The following PRKDC variants were observed in gnomAD, a reference collection of about 807,000 sequenced individuals.
The protein encoded by PRKDC is DNA-dependent protein kinase catalytic subunit.
In PRKDC, 82 loss-of-function variants were observed where a neutral mutation model predicts 486.9. The ratio of observed to expected loss-of-function variants is 0.17; its 90% CI spans 0.14 to 0.20. The LOEUF (loss-of-function observed/expected upper bound fraction) is 0.20, where lower values mean the gene tolerates loss of function less well. Among genes scored for constraint, PRKDC ranks in the 10% least tolerant of loss-of-function variants. The pLI, the probability that PRKDC is intolerant of heterozygous loss-of-function variation, is 1.00. For synonymous variants in PRKDC, 1,895 were observed against 1,837.0 expected (o/e 1.03, Z -0.81); for missense variants, 4,504 against 5,038.2 (o/e 0.89, Z 3.21).
chr8:47,798,182 C>T (rs1473686555), intron 73 of PRKDC, 55 bp downstream of exon 73: 11 of 1,552,022 alleles, frequency 7.1e-6, no homozygotes, highest in East Asian at 4.5e-5. Flanking sequence ...TATAAATAAG[C>T]GTATCTTTAA....
intron 33 of PRKDC, among the ~76,000 whole-genome samples, 181 bp from the exon 34 acceptor site, chr8:47,888,831 G>A (rs536255982): frequency 6.6e-6 from 1 of 152,342 alleles, no homozygotes; most frequent in South Asian, 2.1e-4. Flanking sequence ...GTTTGCTTAA[G>A]TTTGGTACAG....
At chr8:47,816,061 A>C (rs1303606529) in intron 68 of PRKDC, among the ~76,000 whole-genome samples, 1 of 152,142 alleles carries the variant, frequency 6.6e-6, no homozygotes, top group Non-Finnish European at 1.5e-5. Context: ...TAAAAATACA[A>C]AATTTAGCCG....
chr8:47,934,978 T>G, intron 14 of PRKDC, 31 bp downstream of exon 14: 1 of 1,458,672 alleles, frequency 6.9e-7, no homozygotes, highest in Non-Finnish European at 9.3e-7. Flanking sequence ...GATAACAGAT[T>G]AATTTTCTAA....
chr8:47,862,520 T>G lies in PRKDC; in HGVS notation c.5772A>C (p.Thr1924=), dbSNP rs755883408. The G allele has an allele frequency of 2.5e-6, 4 of 1,611,020 alleles. No homozygotes were observed. The African/African-American group carries it at 4.0e-5, about 16-fold the overall frequency. ...GCTGATTCTCTCCTGCCATGTTCTC[T>G]GTAAATGCATCGTAGCACAATCTGC... ...TLIKLCYDAF[T]ENMAGENQLL... is the part of the protein sequence containing the mutation. Residue 1924 remains threonine, a synonymous_variant, in exon 43 of 86, where the codon ACA becomes ACC. Coordinates refer to ENST00000314191, the MANE Select transcript of PRKDC (RefSeq NM_006904.7).
At chr8:47,819,558 T>C in intron 66 of PRKDC, 48 bp from the exon 67 acceptor site, 1 of 1,032,452 alleles carries the variant, frequency 9.7e-7, no homozygotes, top group South Asian at 1.8e-5. Flanking sequence ...TGCCATGTTA[T>C]AAATCAATCA....
chr8:47,900,073 C>T (rs1338355146), intron 28 of PRKDC, among the ~76,000 whole-genome samples: 1 of 152,198 alleles, frequency 6.6e-6, no homozygotes. Flanking sequence ...GTTCTGTCAT[C>T]ACAGCATCAT....
intron 29 of PRKDC, 147 bp downstream of exon 29, chr8:47,898,323 G>A (rs1311327517): frequency 3.4e-6 from 2 of 594,984 alleles, no homozygotes. Context: ...AACGTTTTTG[G>A]AAAACGAACT....
chr8:47,842,983 G>A (rs547013713), intron 54 of PRKDC, among the ~76,000 whole-genome samples: 1 of 152,294 alleles, frequency 6.6e-6, no homozygotes, highest in African/African-American at 2.4e-5. Flanking sequence ...TGGGCAACAT[G>A]ATGAAACCCC....
At chr8:47,799,443 A>T in intron 71 of PRKDC, 53 bp from the exon 72 acceptor site, 2 of 1,422,124 alleles carry the variant, frequency 1.4e-6, no homozygotes, top group Non-Finnish European at 1.8e-6. Context: ...TTTCTCAAAG[A>T]ACTCTGCTTT....
intron 23 of PRKDC, among the ~76,000 whole-genome samples, chr8:47,914,793 GA>G (rs538297890): frequency 0.01 from 1,270 of 125,690 alleles, 3 homozygotes; most frequent in Non-Finnish European, 0.014. Context: ...AGAGCGAGGG[GA>G]AAAAAAAAAA....
intron 3 of PRKDC, 135 bp from the exon 4 acceptor site, chr8:47,956,083 C>A: frequency 1.4e-6 from 1 of 690,408 alleles, no homozygotes; most frequent in South Asian, 2.0e-5. Flanking sequence ...TAACATTAGG[C>A]CGGGCATAGT....
At chr8:47,922,659 C>CTCA (rs891291547) in intron 21 of PRKDC, among the ~76,000 whole-genome samples, 1 of 152,132 alleles carries the variant, frequency 6.6e-6, no homozygotes, top group African/African-American at 2.4e-5. Context: ...AACAGTGAAT[C>CTCA]TCAGACATTT....
chr8:47,853,841 T>C (rs1457446506), intron 51 of PRKDC, among the ~76,000 whole-genome samples: 1 of 152,326 alleles, frequency 6.6e-6, no homozygotes, highest in East Asian at 1.9e-4. Context: ...GACAAGAATT[T>C]TTTTGGTATA....
rs531373071 is a variant in PRKDC at position 47,904,082 on chromosome 8, A to C, written c.3042+787T>G. 1.2e-4 allele frequency among the ~76,000 whole-genome samples: 18 copies of C among 152,304 alleles called. No individual in the cohort carries two copies. In the South Asian group the frequency reaches 1.5e-3, roughly 12 times the overall value. The stretch of plus-strand genomic sequence containing the variant: ...TATAGTAAAATAAGCATCAAAAAAA[A>C]ACTACAATTTAGCTGGCCTCACTGC... On this transcript the variant is annotated intron_variant, in intron 26 of 85. Transcript: ENST00000314191.
chr8:47,879,834 C>CTTTTTTTTTTTTTTTTTTT (rs759336069), intron 38 of PRKDC, among the ~76,000 whole-genome samples, 176 bp from the exon 39 acceptor site: 1 of 99,202 alleles, frequency 1.0e-5, no homozygotes, highest in Non-Finnish European at 1.9e-5. Context: ...TATACCTCAG[C>CTTTTTTTTTTTTTTTTTTT]TTTTTTTTTT....
Position 47,930,601 on chromosome 8 carries a change from G to A in PRKDC, c.1892+71C>T. The A allele has an allele frequency of 1.4e-6, 2 of 1,415,276 alleles. 1 individual carries two copies. Among genetic ancestry groups the A allele is most frequent in the Non-Finnish European group, 1.9e-6 (2 of 1,039,452 alleles). 87.7% of individuals were successfully genotyped at this position (1,415,276 alleles called of 1,614,324 possible). Reference sequence around the variant, plus strand: ...ATTTCATTTCTTACATCTATATAAGGAATTTCCTATATTACAGCCAATAAC... The same window carrying A: ...ATTTCATTTCTTACATCTATATAAGAAATTTCCTATATTACAGCCAATAAC... On this transcript the variant is annotated intron_variant, in intron 17 of 85. Coordinates refer to ENST00000314191, the MANE Select transcript of PRKDC (RefSeq NM_006904.7).
chr8:47,852,937 C>T (rs1445143597), intron 51 of PRKDC, among the ~76,000 whole-genome samples, 153 bp from the exon 52 acceptor site: 3 of 152,196 alleles, frequency 2.0e-5, no homozygotes, highest in Non-Finnish European at 2.9e-5. Flanking sequence ...CACAAATGCA[C>T]ACATCAGCAT....
rs1484796103 is a variant in PRKDC, at chr8:47,933,007, A to G, written c.1776+13T>C. ...AAAATGATGAAAAATTACTACTGAT[A>G]AAAATTTCTAACCTCTTGTTCCCCA... On this transcript the variant is annotated intron_variant, in intron 16 of 85. Transcript: ENST00000314191. The G allele has an allele frequency of 1.3e-6, 2 of 1,567,530 alleles. No homozygotes were observed. The highest frequency in any genetic ancestry group is 2.0e-5 in the Admixed American group (1 of 49,822).
chr8:47,889,258 C>A, intron 32 of PRKDC, 36 bp from the exon 33 acceptor site: 1 of 1,529,108 alleles, frequency 6.5e-7, no homozygotes, highest in Admixed American at 1.9e-5. Context: ...ACTTCGTCAG[C>A]CAGCACTTCT....
Sources: gnomAD v4.1 joint callset for allele counts (sites outside exome capture counted in the v4.1 genomes callset) on GRCh38, gnomAD v4.1.1 for gene constraint, MANE v1.5 for transcripts, NCBI Gene and HGNC (gene_info 2026-07-23, HGNC 2026-07-21) for gene names.